Variants in EYS observed in about 807,000 individuals in gnomAD.
EYS encodes the protein EGF-like photoreceptor maintenance factor.
EYS carries 250 observed loss-of-function variants against 282.1 expected under a neutral mutation model. The observed-to-expected ratio is 0.89, with a 90% CI of 0.80 to 0.98. EYS has a LOEUF of 0.98. Ranked by LOEUF, EYS falls within the 50% of genes least tolerant of loss-of-function variation. The pLI is 0.00. For synonymous variants in EYS, 1,355 were observed against 1,282.9 expected (o/e 1.06, Z -1.20); for missense variants, 4,016 against 3,709.0 (o/e 1.08, Z -2.15).
intron 35 of EYS, among the ~76,000 whole-genome samples, chr6:63,912,433 CATT>C: frequency 6.6e-6 from 1 of 152,270 alleles, no homozygotes; most frequent in East Asian, 1.9e-4. Flanking sequence ...AGACCCCAAA[CATT>C]ATTATTGCAA....
At chr6:65,679,870 A>G (rs1460031243) in intron 1 of EYS, among the ~76,000 whole-genome samples, 1 of 151,874 alleles carries the variant, frequency 6.6e-6, no homozygotes, top group East Asian at 1.9e-4. Context: ...TCTTCTACCA[A>G]TTTCTCACAA....
At chr6:64,175,698 G>T (rs1410691628) in intron 31 of EYS, among the ~76,000 whole-genome samples, 1 of 152,102 alleles carries the variant, frequency 6.6e-6, no homozygotes, top group Non-Finnish European at 1.5e-5. Context: ...CACAGGATGG[G>T]CATGAGGTAA....
intron 8 of EYS, 33 bp downstream of exon 8, chr6:65,384,353 C>T: frequency 8.2e-7 from 1 of 1,226,418 alleles, no homozygotes; most frequent in Middle Eastern, 1.9e-4. Flanking sequence ...TTTTGAAGGG[C>T]TAACTTATGT....
intron 2 of EYS, among the ~76,000 whole-genome samples, chr6:65,614,883 G>A (rs1562289368): frequency 2.0e-5 from 3 of 151,824 alleles, no homozygotes; most frequent in African/African-American, 7.3e-5. Context: ...TATCAATAAA[G>A]TTATAGACAT....
chr6:65,672,587 C>T (rs958335452), intron 1 of EYS, among the ~76,000 whole-genome samples: 1 of 151,966 alleles, frequency 6.6e-6, no homozygotes, highest in Admixed American at 6.6e-5. Flanking sequence ...ACTGTTGTAA[C>T]CAACAGTTGG....
chr6:64,241,709 T>C (rs555098991), intron 30 of EYS, among the ~76,000 whole-genome samples: 1 of 151,886 alleles, frequency 6.6e-6, no homozygotes, highest in East Asian at 1.9e-4. Flanking sequence ...TCTGCTCTGA[T>C]CTTGGTTATT....
Position 64,060,016 on chromosome 6 carries a change from ATCT to A in EYS, c.6725+6319_6725+6321del, listed in dbSNP as rs894534476. On this transcript the variant is annotated intron_variant, in intron 33 of 42. Transcript: ENST00000503581. ...GAAGTTTGACCTTTTTAATATGAAA[ATCT>A]TGCCAAACTTTCCATATTGACATGG... Among the ~76,000 whole-genome samples the A allele has an allele frequency of 1.2e-4, 18 of 152,138 alleles. 1 individual carries two copies. Among genetic ancestry groups the A allele is most frequent in the Admixed American group, 4.6e-4 (7 of 15,252 alleles).
At chr6:63,917,161 CG>C (rs1562095044) in intron 35 of EYS, among the ~76,000 whole-genome samples, 1 of 152,194 alleles carries the variant, frequency 6.6e-6, no homozygotes, top group East Asian at 1.9e-4. Context: ...CGTGCACGCG[CG>C]TGCATGTGCA....
At chr6:63,782,808 G>T (rs541149825) in intron 39 of EYS, among the ~76,000 whole-genome samples, 96 of 152,180 alleles carry the variant, frequency 6.3e-4, no homozygotes, top group African/African-American at 2.3e-3. Flanking sequence ...GAATGTGTTT[G>T]CTCTTGCTTC....
intron 26 of EYS, among the ~76,000 whole-genome samples, chr6:64,494,570 TTAA>T (rs139138474): frequency 0.04 from 6,134 of 151,762 alleles, 171 homozygotes; most frequent in African/African-American, 0.088. Flanking sequence ...GTTCAATGGA[TTAA>T]TGAGTGAGTG....
chr6:64,886,552 C>A (rs1480058599), intron 19 of EYS, 145 bp downstream of exon 19: 2 of 502,020 alleles, frequency 4.0e-6, no homozygotes, highest in Non-Finnish European at 6.7e-6. Flanking sequence ...TTATTAATTT[C>A]TTTTATAAGA....
At chr6:64,873,333 C>A (rs1042569522) in intron 19 of EYS, among the ~76,000 whole-genome samples, 1 of 152,004 alleles carries the variant, frequency 6.6e-6, no homozygotes, top group Non-Finnish European at 1.5e-5. Context: ...CTCACCGGGT[C>A]CCTCCCACAA....
At chr6:64,739,747 T>C (rs913273731) in intron 22 of EYS, among the ~76,000 whole-genome samples, 4 of 152,216 alleles carry the variant, frequency 2.6e-5, no homozygotes, top group African/African-American at 9.6e-5. Context: ...CTTAAAACAA[T>C]ACCGACATTC....
At chr6:63,733,510 G>A (rs1313945067) in intron 41 of EYS, among the ~76,000 whole-genome samples, 1 of 150,270 alleles carries the variant, frequency 6.7e-6, no homozygotes. Flanking sequence ...TCAGTGTTTA[G>A]TTCCTACCTA....
intron 19 of EYS, among the ~76,000 whole-genome samples, chr6:64,864,635 C>T (rs1427927334): frequency 1.3e-5 from 2 of 151,072 alleles, no homozygotes; most frequent in Non-Finnish European, 2.9e-5. Context: ...CCACCTGCCG[C>T]GGCCTTTCAA....
intron 31 of EYS, among the ~76,000 whole-genome samples, chr6:64,104,449 G>A (rs547800591): frequency 1.3e-5 from 2 of 152,114 alleles, no homozygotes; most frequent in African/African-American, 2.4e-5. Context: ...ATGGACCCAA[G>A]TGAATACAGA....
intron 32 of EYS, among the ~76,000 whole-genome samples, chr6:64,079,569 T>G (rs9450747): frequency 1.6e-4 from 25 of 152,108 alleles, no homozygotes; most frequent in Non-Finnish European, 3.4e-4. Context: ...TTTTATTTTT[T>G]ATTTTTTTAT....
chr6:64,604,351 A>G (rs1322660593), intron 24 of EYS, among the ~76,000 whole-genome samples: 1 of 152,048 alleles, frequency 6.6e-6, no homozygotes, highest in Non-Finnish European at 1.5e-5. Context: ...TGTTAATTCA[A>G]ATCAGTTTTC....
At chr6:64,259,553 A>T (rs916248125) in intron 30 of EYS, among the ~76,000 whole-genome samples, 34 of 151,862 alleles carry the variant, frequency 2.2e-4, no homozygotes, top group African/African-American at 8.2e-4. Flanking sequence ...AGAGGGCAGG[A>T]GCCTAACTTT....
Sources: allele counts gnomAD v4.1 joint callset (sites outside exome capture counted in the v4.1 genomes callset), GRCh38; gene constraint gnomAD v4.1.1; transcripts MANE v1.5; gene names NCBI Gene and HGNC (gene_info 2026-07-23, HGNC 2026-07-21).